The following FAM3D variants were observed in gnomAD, a reference collection of about 807,000 sequenced individuals.
The protein encoded by FAM3D is protein FAM3D.
In FAM3D, 26 loss-of-function variants were observed where a neutral mutation model predicts 29.8. The ratio of observed to expected loss-of-function variants is 0.87; its 90% CI spans 0.64 to 1.21. FAM3D has a LOEUF of 1.21. Ranked by LOEUF, FAM3D falls within the 50% of genes most tolerant of loss-of-function variation. FAM3D has a pLI of 0.00. For missense variants in FAM3D, 253 were observed against 290.9 expected (o/e 0.87, Z 0.95); for synonymous variants, 115 against 102.3 (o/e 1.12, Z -0.75).
intron 1 of FAM3D, among the ~76,000 whole-genome samples, chr3:58,656,065 A>G (rs952014806): frequency 2.7e-5 from 4 of 148,732 alleles, no homozygotes; most frequent in African/African-American, 9.9e-5. Flanking sequence ...TCAGCTGTCT[A>G]TTTAGCCCTC....
chr3:58,636,315 C>G lies in FAM3D; in HGVS notation c.564G>C (p.Arg188Ser). 6.2e-7 allele frequency: 1 copy of G among 1,614,120 alleles called. No homozygotes were observed. The highest frequency in any genetic ancestry group is 1.1e-5 in the South Asian group (1 of 91,068). ...CCACCTGCTCAAAGGGGCTTTTACC[C>G]CTGAGGTCTTTGGCTCCTATGAAGA... ...SWVFIGAKDL[R>S]GKSPFEQFLK... The change falls in exon 9 of 10, where the codon AGG becomes AGC. Residue 188 changes from arginine (R) to serine (S), a missense_variant. Physicochemically the swap from Arg to Ser is moderately radical, Grantham distance 110 (BLOSUM62 -1). Coordinates refer to ENST00000358781, the MANE Select transcript of FAM3D (RefSeq NM_138805.3).
At chr3:58,642,340 G>A (rs1403233609) in intron 6 of FAM3D, among the ~76,000 whole-genome samples, 1 of 152,192 alleles carries the variant, frequency 6.6e-6, no homozygotes, top group Non-Finnish European at 1.5e-5. Flanking sequence ...GGCTTTCTCT[G>A]GAGTGAAGTG....
At chr3:58,648,199 C>T (rs2066532769) in intron 4 of FAM3D, among the ~76,000 whole-genome samples, 1 of 152,242 alleles carries the variant, frequency 6.6e-6, no homozygotes, top group African/African-American at 2.4e-5. Context: ...CAGAATATGA[C>T]TGAGGAGACT....
chr3:58,645,929 A>G (rs1263055874), intron 4 of FAM3D, among the ~76,000 whole-genome samples: 11 of 152,180 alleles, frequency 7.2e-5, no homozygotes, highest in Non-Finnish European at 1.3e-4. Context: ...CTGAGTCACT[A>G]TGACGAAGGG....
intron 1 of FAM3D, among the ~76,000 whole-genome samples, chr3:58,665,607 T>G (rs1024727122): frequency 1.3e-5 from 2 of 152,174 alleles, no homozygotes; most frequent in African/African-American, 4.8e-5. Flanking sequence ...AGGACACTCT[T>G]GTACCCAGGC....
intron 3 of FAM3D, chr3:58,649,551 A>G: frequency 1.7e-6 from 1 of 591,082 alleles, no homozygotes; most frequent in East Asian, 2.9e-5. Context: ...ACACACACGC[A>G]CACACATATA....
At chr3:58,639,934 C>G (rs566774105) in intron 7 of FAM3D, among the ~76,000 whole-genome samples, 193 bp downstream of exon 7, 6 of 152,230 alleles carry the variant, frequency 3.9e-5, no homozygotes, top group African/African-American at 1.4e-4. Context: ...CTGGGAGATC[C>G]CAACTGAGAT....
intron 4 of FAM3D, 32 bp from the exon 5 acceptor site, chr3:58,645,658 A>G: frequency 6.3e-7 from 1 of 1,589,472 alleles, no homozygotes; most frequent in Non-Finnish European, 8.6e-7. Context: ...CTTGGTGGGC[A>G]GAAGCTCAGG....
chr3:58,651,679 T>C (rs1395450403), intron 3 of FAM3D, among the ~76,000 whole-genome samples: 1 of 152,096 alleles, frequency 6.6e-6, no homozygotes, highest in East Asian at 1.9e-4. Context: ...TGGGTCTCTT[T>C]TCAATTACTG....
intron 3 of FAM3D, among the ~76,000 whole-genome samples, chr3:58,649,915 A>T (rs2066585702): frequency 6.6e-6 from 1 of 152,188 alleles, no homozygotes; most frequent in South Asian, 2.1e-4. Context: ...GGACCCAGTG[A>T]GATCACTGTG....
intron 6 of FAM3D, among the ~76,000 whole-genome samples, chr3:58,641,176 A>C (rs756894292): frequency 6.6e-6 from 1 of 152,184 alleles, no homozygotes; most frequent in Non-Finnish European, 1.5e-5. Flanking sequence ...AGCCCCTTAC[A>C]TGATTTGTTG....
chr3:58,664,387 G>A (rs1559511058), intron 1 of FAM3D, among the ~76,000 whole-genome samples: 1 of 150,004 alleles, frequency 6.7e-6, no homozygotes, highest in African/African-American at 2.4e-5. Flanking sequence ...TTATCTGATA[G>A]GCTGTGAACT....
chr3:58,658,577 CACTTCTGGGAAGCCTTCCCTG>C (rs1178431953), intron 1 of FAM3D, among the ~76,000 whole-genome samples: 22 of 152,190 alleles, frequency 1.4e-4, no homozygotes, highest in Admixed American at 2.6e-4. Context: ...TTGGAGAAAT[CACTTCTGGGAAGCCTTCCCTG>C]ACTCTCTGAG....
At chr3:58,650,780 C>T (rs920878172) in intron 3 of FAM3D, among the ~76,000 whole-genome samples, 3 of 152,116 alleles carry the variant, frequency 2.0e-5, no homozygotes, top group Non-Finnish European at 4.4e-5. Flanking sequence ...TGCAGTGGCG[C>T]GATCTCGGCT....
chr3:58,658,859 A>G (rs1034616216), intron 1 of FAM3D, among the ~76,000 whole-genome samples: 1 of 152,204 alleles, frequency 6.6e-6, no homozygotes, highest in Non-Finnish European at 1.5e-5. Flanking sequence ...CTGAGGTCCC[A>G]TCCTCAACCA....
chr3:58,664,699 G>A (rs778606445), intron 1 of FAM3D, among the ~76,000 whole-genome samples: 1 of 152,248 alleles, frequency 6.6e-6, no homozygotes, highest in East Asian at 1.9e-4. Flanking sequence ...AAATGCCAAA[G>A]GCAGGGTTGC....
At chr3:58,661,499 C>G (rs1386397752) in intron 1 of FAM3D, among the ~76,000 whole-genome samples, 1 of 152,198 alleles carries the variant, frequency 6.6e-6, no homozygotes, top group African/African-American at 2.4e-5. Flanking sequence ...TCTGAAGGTG[C>G]CACGCTCAGT....
At chr3:58,637,423 G>A (rs977587313) in intron 7 of FAM3D, among the ~76,000 whole-genome samples, 198 bp from the exon 8 acceptor site, 1 of 152,166 alleles carries the variant, frequency 6.6e-6, no homozygotes, top group Non-Finnish European at 1.5e-5. Flanking sequence ...TGACCAGAGT[G>A]AGGGGAACTC....
Position 58,650,749 on chromosome 3 carries a change from G to A in FAM3D, c.122-1411C>T, listed in dbSNP as rs187534537. 2.6e-4 allele frequency among the ~76,000 whole-genome samples: 39 copies of A among 152,102 alleles called. 1 individual carries two copies. Among genetic ancestry groups the A allele is most frequent in the Admixed American group, 2.4e-3 (36 of 15,280 alleles). On this transcript the variant is annotated intron_variant, in intron 3 of 9. Transcript: ENST00000358781. ...TTTTATTTTTTTGAGACAGAGTCTCGCTCCGTCGCCCAGGCTGGAGTGCAG... is the reference window on the plus strand; with the variant it reads ...TTTTATTTTTTTGAGACAGAGTCTCACTCCGTCGCCCAGGCTGGAGTGCAG...
Sources: gnomAD v4.1 joint callset for allele counts (sites outside exome capture counted in the v4.1 genomes callset) on GRCh38, gnomAD v4.1.1 for gene constraint, MANE v1.5 for transcripts, NCBI Gene and HGNC (gene_info 2026-07-23, HGNC 2026-07-21) for gene names.